Variants in CSGALNACT1 observed in about 807,000 individuals in gnomAD.
The protein encoded by CSGALNACT1 is beta4GalNAcT-1.
In CSGALNACT1, 52 loss-of-function variants were observed where a neutral mutation model predicts 51.0. The observed-to-expected ratio is 1.02, with a 90% CI of 0.82 to 1.29. CSGALNACT1 has a LOEUF of 1.29. Ranked by LOEUF, CSGALNACT1 falls within the 50% of genes most tolerant of loss-of-function variation. The probability of loss-of-function intolerance (pLI) is 0.00; values close to 1 mark genes in which losing one functional copy is unlikely to be tolerated. For missense variants in CSGALNACT1, 935 were observed against 679.2 expected, an observed-to-expected ratio of 1.38 and a Z score of -4.19; for synonymous variants, 341 against 254.4, an observed-to-expected ratio of 1.34 and a Z score of -3.24.
At chr8:19,529,308 G>A (rs998035161) in intron 3 of CSGALNACT1, among the ~76,000 whole-genome samples, 1 of 152,190 alleles carries the variant, frequency 6.6e-6, no homozygotes, top group African/African-American at 2.4e-5. Context: ...TGAGTGAGCA[G>A]TAGTTGGAAG....
At chr8:19,423,471 G>C (rs11787230) in intron 6 of CSGALNACT1, among the ~76,000 whole-genome samples, 71,088 of 151,828 alleles carry the variant, frequency 0.47, 18,123 homozygotes, top group East Asian at 0.84. Flanking sequence ...AGTTAATCTA[G>C]TTTATTCTGT....
At chr8:19,413,435 T>C (rs2056270274) in intron 8 of CSGALNACT1, among the ~76,000 whole-genome samples, 1 of 152,106 alleles carries the variant, frequency 6.6e-6, no homozygotes, top group South Asian at 2.1e-4. Context: ...CCTTATTGAG[T>C]ATTACGTGAG....
At chr8:19,668,180 G>C (rs1041747332) in intron 1 of CSGALNACT1, among the ~76,000 whole-genome samples, 3 of 152,080 alleles carry the variant, frequency 2.0e-5, no homozygotes, top group Non-Finnish European at 4.4e-5. Context: ...TGCAAAAAAG[G>C]AATGGTAAAA....
intron 1 of CSGALNACT1, among the ~76,000 whole-genome samples, chr8:19,626,085 T>C (rs2054414411): frequency 6.6e-6 from 1 of 152,032 alleles, no homozygotes; most frequent in African/African-American, 2.4e-5. Flanking sequence ...AAAATTTATA[T>C]GGAAAGGAAA....
chr8:19,406,058 G>T, exon 10 of CSGALNACT1: 1 of 1,614,188 alleles, frequency 6.2e-7, no homozygotes, highest in African/African-American at 1.3e-5. Flanking sequence ...TTGATGTCCA[G>T]ATCAAACCCA....
intron 1 of CSGALNACT1, among the ~76,000 whole-genome samples, chr8:19,754,530 A>G (rs2065237359): frequency 6.6e-6 from 1 of 152,234 alleles, no homozygotes; most frequent in South Asian, 2.1e-4. Context: ...TTCAAAGTTT[A>G]AAAAAGCATA....
intron 3 of CSGALNACT1, among the ~76,000 whole-genome samples, chr8:19,570,717 T>C (rs531209775): frequency 1.3e-5 from 2 of 152,142 alleles, no homozygotes; most frequent in African/African-American, 2.4e-5. Context: ...TCGGCCAACA[T>C]GGTGAAACCC....
intron 1 of CSGALNACT1, among the ~76,000 whole-genome samples, chr8:19,705,163 T>C (rs1328577051): frequency 6.6e-6 from 1 of 152,192 alleles, no homozygotes; most frequent in Non-Finnish European, 1.5e-5. Context: ...AAGCATCACA[T>C]TGTACACCTT....
chr8:19,698,648 AT>A (rs1195832079), intron 1 of CSGALNACT1, among the ~76,000 whole-genome samples: 3 of 152,142 alleles, frequency 2.0e-5, no homozygotes, highest in African/African-American at 7.2e-5. Context: ...GATGGCTACT[AT>A]TTTTTTAAGA....
At chr8:19,682,244 G>T (rs1040162912) in intron 1 of CSGALNACT1, among the ~76,000 whole-genome samples, 2 of 152,060 alleles carry the variant, frequency 1.3e-5, no homozygotes, top group Admixed American at 6.5e-5. Flanking sequence ...TCCTGCCTCG[G>T]GTCCAGCAAG....
At chr8:19,408,945 T>C (rs1163077615) in intron 8 of CSGALNACT1, among the ~76,000 whole-genome samples, 1 of 65,416 alleles carries the variant, frequency 1.5e-5, no homozygotes, top group East Asian at 4.2e-4. Context: ...GGCATAGATA[T>C]GAAAACACAC....
At chr8:19,574,303 T>C (rs2043671861) in intron 3 of CSGALNACT1, among the ~76,000 whole-genome samples, 1 of 152,138 alleles carries the variant, frequency 6.6e-6, no homozygotes, top group Admixed American at 6.5e-5. Flanking sequence ...CTCCTGCAGG[T>C]CCTCCAGACC....
intron 1 of CSGALNACT1, among the ~76,000 whole-genome samples, chr8:19,668,341 T>TAC (rs111315690): frequency 0.19 from 28,416 of 150,512 alleles, 2,764 homozygotes; most frequent in Middle Eastern, 0.27. Flanking sequence ...CATGCACGGT[T>TAC]ACACACACAC....
upstream of CSGALNACT1, among the ~76,000 whole-genome samples, chr8:19,603,417 C>T (rs2050862246): frequency 6.6e-6 from 1 of 152,334 alleles, no homozygotes; most frequent in East Asian, 1.9e-4. Flanking sequence ...AGCTCTTGGC[C>T]CCAACTCGGT....
At chr8:19,576,325 A>AC (rs58089067) in intron 3 of CSGALNACT1, among the ~76,000 whole-genome samples, 152,285 of 152,286 alleles carry the variant, frequency 1, 76,142 homozygotes, top group Middle Eastern at 1. Flanking sequence ...CCTCCCCAAT[A>AC]CTGGGATTAC....
In CSGALNACT1 at chr8:19,432,110, C is replaced by T. The variant is rs559058787; in HGVS notation, c.953+7720G>A. Among the ~76,000 whole-genome samples the T allele has an allele frequency of 1.4e-4, 21 of 152,256 alleles. No homozygotes were observed. In the South Asian group the frequency reaches 2.9e-3, roughly 21 times the overall value. Reference sequence around the variant, plus strand: ...GATTTGTCTAGTGTCCTTTCATGTCCGCCCCAAGGACTCCTCTTAGTATTT... The same window carrying T: ...GATTTGTCTAGTGTCCTTTCATGTCTGCCCCAAGGACTCCTCTTAGTATTT... On this transcript the variant is annotated intron_variant, in intron 6 of 9. Transcript: ENST00000454498.
At chr8:19,532,182 A>C (rs1317626863) in intron 3 of CSGALNACT1, among the ~76,000 whole-genome samples, 2 of 151,582 alleles carry the variant, frequency 1.3e-5, no homozygotes, top group Non-Finnish European at 2.9e-5. Flanking sequence ...AAAAAAAAAA[A>C]ACATGTTTGT....
intron 8 of CSGALNACT1, among the ~76,000 whole-genome samples, chr8:19,417,930 G>C (rs996496109): frequency 1.3e-5 from 2 of 152,160 alleles, no homozygotes; most frequent in Non-Finnish European, 2.9e-5. Flanking sequence ...CCTGCTGCTT[G>C]CATTGCTTCT....
At chr8:19,526,509 G>T (rs7841199) in intron 3 of CSGALNACT1, among the ~76,000 whole-genome samples, 1 of 152,168 alleles carries the variant, frequency 6.6e-6, no homozygotes, top group Admixed American at 6.5e-5. Context: ...CTTGAACCTG[G>T]GAGGCGGAGG....
Sources: gnomAD v4.1 joint callset for allele counts (sites outside exome capture counted in the v4.1 genomes callset) on GRCh38, gnomAD v4.1.1 for gene constraint, MANE v1.5 for transcripts, NCBI Gene and HGNC (gene_info 2026-07-23, HGNC 2026-07-21) for gene names.